LAMA5: variants seen among roughly 807,000 people sequenced by gnomAD.
LAMA5 encodes the protein laminin subunit alpha 5.
LAMA5 carries 260 observed loss-of-function variants against 433.4 expected under a neutral mutation model. The ratio of observed to expected loss-of-function variants is 0.60; its 90% confidence interval spans 0.54 to 0.66. The LOEUF (loss-of-function observed/expected upper bound fraction) is 0.66, where lower values mean the gene tolerates loss of function less well. Among genes scored for constraint, LAMA5 ranks in the 30% least tolerant of loss-of-function variants. LAMA5 has a pLI of 0.00. For synonymous variants in LAMA5, 2,620 were observed against 2,226.6 expected (o/e 1.18, Z -4.97); for missense variants, 5,378 against 5,258.5 (o/e 1.02, Z -0.70).
rs757099375 is a variant in LAMA5, at chr20:62,346,786, C to T, written c.1087G>A (p.Gly363Ser). The change falls in exon 8 of 80, where the codon GGC (glycine) becomes AGC (serine). Residue 363 changes from glycine to serine, a missense_variant. Physicochemically the swap from Gly to Ser is moderately conservative, Grantham distance 56 (BLOSUM62 0). Transcript: ENST00000252999. ...TCGTAGTAACAGTCGGTGGCATGGC[C>T]GTAGCAGTTACAGGCTAGAGAGAGG... The part of the protein sequence containing the change: ...ANECQSCNCY[G>S]HATDCYYDPE... 19 of 1,612,068 alleles carry T rather than the reference C, an allele frequency of 1.2e-5. No individual in the cohort carries two copies. The highest frequency in any genetic ancestry group is 2.7e-5 in the African/African-American group (2 of 74,910).
At chr20:62,323,172 G>C (rs1193886676) in intron 45 of LAMA5, among the ~76,000 whole-genome samples, 1 of 151,292 alleles carries the variant, frequency 6.6e-6, no homozygotes, top group African/African-American at 2.4e-5. Context: ...TCCTGGTATG[G>C]GGAGGGTCTG....
In LAMA5 at chr20:62,331,131, TGCAG is replaced by T. The variant is rs770875409; in HGVS notation, c.3553-6_3553-3del. The T allele has an allele frequency of 1.9e-6, 3 of 1,540,562 alleles. No individual in the cohort carries two copies. Among genetic ancestry groups the T allele is most frequent in the Non-Finnish European group, 2.6e-6 (3 of 1,139,700 alleles). On this transcript the variant is annotated splice_region_variant and splice_polypyrimidine_tract_variant and intron_variant, in intron 28 of 79. Transcript: ENST00000252999. ...AATGGGCACCAGAGTGACCCCGTGC[TGCAG>T]GCAGAGGGACGAGATGCTGCAACGC...
At chr20:62,336,471 A>G in intron 17 of LAMA5, 26 bp from the exon 18 acceptor site, 1 of 1,583,782 alleles carries the variant, frequency 6.3e-7, no homozygotes, top group East Asian at 2.2e-5. Context: ...ACTGCAGGTC[A>G]GAGCGGGCGC....
At position 62,315,226 on chromosome 20, in the gene LAMA5, A is replaced by C; in HGVS notation, c.7868-19T>G. 1 of 1,586,826 alleles carries C rather than the reference A, an allele frequency of 6.3e-7. No individual in the cohort carries two copies. Among genetic ancestry groups the C allele is most frequent in the Non-Finnish European group, 8.6e-7 (1 of 1,165,524 alleles). On this transcript the variant is annotated intron_variant, in intron 58 of 79. Transcript: ENST00000252999. Reference sequence around the variant, plus strand: ...GTCTCGTCTGTGGTGGGCAGAGGGCAGGCTCAGCAGGGGCCAGCGGGGACC... The same window carrying C: ...GTCTCGTCTGTGGTGGGCAGAGGGCCGGCTCAGCAGGGGCCAGCGGGGACC...
intron 20 of LAMA5, 111 bp from the exon 21 acceptor site, chr20:62,334,732 C>CAGGGCTT (rs1981216807): frequency 1.1e-5 from 7 of 622,520 alleles, no homozygotes; most frequent in Non-Finnish European, 1.8e-5. Flanking sequence ...GATGGAGAGT[C>CAGGGCTT]AGGGCTCAGG....
At chr20:62,315,384 C>T (rs546094156) in intron 58 of LAMA5, among the ~76,000 whole-genome samples, 177 bp from the exon 59 acceptor site, 3 of 152,242 alleles carry the variant, frequency 2.0e-5, no homozygotes, top group South Asian at 2.1e-4. Flanking sequence ...CTCCACCAGA[C>T]GCCCCCTCCA....
At position 62,327,850 on chromosome 20, in the gene LAMA5, C is replaced by T. The variant is rs1979589093; in HGVS notation, c.4797+16G>A. The T allele has an allele frequency of 3.8e-6, 6 of 1,597,854 alleles. No individual in the cohort carries two copies. In the South Asian group the frequency reaches 6.7e-5, roughly 18 times the overall value. On this transcript the variant is annotated intron_variant, in intron 36 of 79. Coordinates refer to ENST00000252999, the MANE Select transcript of LAMA5 (RefSeq NM_005560.6). The stretch of plus-strand genomic sequence containing the variant: ...GCCGGAGGGAGAGGCCAGATCTGGG[C>T]CCAGCCCTCACTCACCTTACAGTAG...
chr20:62,331,146 G>A lies in LAMA5; in HGVS notation c.3553-17C>T, dbSNP rs1454787449. Reference sequence around the variant, plus strand: ...GACCCCGTGCTGCAGGCAGAGGGACGAGATGCTGCAACGCCCGTGGTGCGG... The same window carrying A: ...GACCCCGTGCTGCAGGCAGAGGGACAAGATGCTGCAACGCCCGTGGTGCGG... On this transcript the variant is annotated splice_polypyrimidine_tract_variant and intron_variant, in intron 28 of 79. Coordinates refer to ENST00000252999, the MANE Select transcript of LAMA5 (RefSeq NM_005560.6). The A allele has an allele frequency of 3.3e-6, 5 of 1,510,832 alleles. No individual in the cohort carries two copies. The highest frequency in any genetic ancestry group is 4.5e-6 in the Non-Finnish European group (5 of 1,121,376). The allele number at this position is 1,510,832 out of a possible 1,614,324, so 93.6% of individuals were successfully genotyped here.
In LAMA5 at chr20:62,337,690, G is replaced by T. The variant is rs150861125; in HGVS notation, c.2064C>A (p.Ala688=). ...HCSAEGSLHA[A]CDPRSGQCSC... is the part of the protein sequence containing the mutation. ...TGCACTGCCCACTCCGGGGGTCACA[G>T]GCTGCGTGCAGGGAGCCTTCAGCAG... The change falls in exon 16 of 80, where the codon GCC becomes GCA. Residue 688 remains alanine (A), a synonymous_variant. Transcript: ENST00000252999. 125 of 1,611,828 alleles carry T rather than the reference G, an allele frequency of 7.8e-5. No individual in the cohort carries two copies. The African/African-American group carries it at 1.6e-3, about 21-fold the overall frequency.
chr20:62,327,946 G>A lies in LAMA5; in HGVS notation c.4717C>T (p.Arg1573Cys), dbSNP rs146565862. ...TCSPGFHGYP[R>C]CRPCDCHEAG... is the part of the protein sequence containing the mutation. ...TCGTGACAGTCACAGGGGCGGCAGCGGGGGTAGCCATGGAAGCCCGGAGAG... is the reference window on the plus strand; with the variant it reads ...TCGTGACAGTCACAGGGGCGGCAGCAGGGGTAGCCATGGAAGCCCGGAGAG... Residue 1573 changes from arginine to cysteine, a missense_variant, in exon 36 of 80, where the codon CGC becomes TGC. Transcript: ENST00000252999. 5.5e-5 allele frequency: 88 copies of A among 1,612,414 alleles called. No individual in the cohort carries two copies. The highest frequency in any genetic ancestry group is 1.7e-4 in the Middle Eastern group (1 of 6,038).
intron 6 of LAMA5, chr20:62,351,402 T>G: frequency 1.9e-6 from 1 of 535,006 alleles, no homozygotes; most frequent in Non-Finnish European, 3.4e-6. Context: ...TCCACTATGG[T>G]GGGAAGGCCA....
chr20:62,314,398 C>T lies in LAMA5; in HGVS notation c.8410G>A (p.Val2804Met), dbSNP rs1487911177. 6.2e-7 allele frequency: 1 copy of T among 1,613,496 alleles called. No individual in the cohort carries two copies. Among genetic ancestry groups the T allele is most frequent in the Non-Finnish European group, 8.5e-7 (1 of 1,179,964 alleles). ...YMGVSLRDKK[V>M]HWVYQLGEAG... is the part of the protein sequence containing the mutation. ...TCACCCAGCTGATACACCCAGTGCA[C>T]CTTCTTGTCACGCAGAGACACACCC... is the stretch of plus-strand genomic sequence containing the variant. The change falls in exon 62 of 80, where the codon GTG (valine) becomes ATG (methionine). Residue 2804 changes from valine (V) to methionine (M), a missense_variant. Physicochemically the swap from Val to Met is conservative, Grantham distance 21. Transcript: ENST00000252999.
chr20:62,328,036 C>T (rs1294506531), intron 35 of LAMA5, 26 bp from the exon 36 acceptor site: 2 of 1,609,778 alleles, frequency 1.2e-6, no homozygotes, highest in Non-Finnish European at 1.7e-6. Flanking sequence ...GAGCTGAGCC[C>T]CCTCCACCCC....
intron 70 of LAMA5, 32 bp from the exon 71 acceptor site, chr20:62,311,816 T>TTGCGCC: frequency 1.3e-6 from 2 of 1,521,012 alleles, no homozygotes; most frequent in Non-Finnish European, 1.8e-6. Context: ...GCTCGGTTTT[T>TTGCGCC]CCCCACCCTG....
In LAMA5 at chr20:62,333,957, C is replaced by A. The variant is rs748742416; in HGVS notation, c.2822G>T (p.Ser941Ile). ...TCGCACAGAGACCCGCCCGCTCACA[C>A]TCATGGCCCCCCGGTTGACGTATCG... ...VFRYVNRGAM[S>I]VSGRVSVREE... The change falls in exon 23 of 80, where the codon AGT (serine) becomes ATT (isoleucine). Residue 941 changes from serine (S) to isoleucine (I), a missense_variant. Ser to Ile is a moderately radical substitution (Grantham distance 142). Coordinates refer to ENST00000252999, the MANE Select transcript of LAMA5 (RefSeq NM_005560.6). The A allele has an allele frequency of 1.2e-6, 2 of 1,612,792 alleles. No individual in the cohort carries two copies. Among genetic ancestry groups the A allele is most frequent in the East Asian group, 2.2e-5 (1 of 44,862 alleles).
In LAMA5 at chr20:62,329,847, G is replaced by A. The variant is rs1273025307; in HGVS notation, c.4049C>T (p.Ala1350Val). 2 of 1,612,514 alleles carry A rather than the reference G, an allele frequency of 1.2e-6. No homozygotes were observed. Among genetic ancestry groups the A allele is most frequent in the Non-Finnish European group, 8.5e-7 (1 of 1,179,844 alleles). ...CRTLVVCEGQ[A>V]LLDVTHSELT... is the part of the protein sequence containing the mutation. ...CTCGCTGTGGGTCACGTCCAGCAGGGCCTGGCCCTCACACACCACCAGGGT... is the reference window on the plus strand; with the variant it reads ...CTCGCTGTGGGTCACGTCCAGCAGGACCTGGCCCTCACACACCACCAGGGT... The change falls in exon 32 of 80, where the codon GCC (alanine) becomes GTC (valine). Residue 1350 changes from alanine to valine, a missense_variant. By Grantham distance (64) the Ala-to-Val change is moderately conservative. Coordinates refer to ENST00000252999, the MANE Select transcript of LAMA5 (RefSeq NM_005560.6).
Position 62,337,746 on chromosome 20 carries a change from G to A in LAMA5, c.2027-19C>T, listed in dbSNP as rs766241394. ...TGGCAGGCTGCAGACAAGGATAGCT[G>A]TGGGCACGCAGTGGAGACTGCACCT... On this transcript the variant is annotated intron_variant, in intron 15 of 79. Transcript: ENST00000252999. 2.5e-6 allele frequency: 4 copies of A among 1,607,800 alleles called. No homozygotes were observed. Among genetic ancestry groups the A allele is most frequent in the African/African-American group, 1.3e-5 (1 of 74,874 alleles).
chr20:62,357,178 G>A lies in LAMA5; in HGVS notation c.451-3927C>T, dbSNP rs552398881. On this transcript the variant is annotated intron_variant, in intron 2 of 79. Coordinates refer to ENST00000252999, the MANE Select transcript of LAMA5 (RefSeq NM_005560.6). ...CTGCCCTGACCCATCTTGGGTTGGG[G>A]AGACCAGGGCCAGGTCCAGGTGCCC... is the stretch of plus-strand genomic sequence containing the variant. 3.9e-5 allele frequency among the ~76,000 whole-genome samples: 6 copies of A among 152,298 alleles called. 1 individual carries two copies. Among genetic ancestry groups the A allele is most frequent in the African/African-American group, 1.4e-4 (6 of 41,564 alleles).
chr20:62,329,816 A>C lies in LAMA5; in HGVS notation c.4080T>G (p.Thr1360=). ...ALLDVTHSEL[T]VTVRVPKGRW... ...GGCCCTTGGGCACACGCACGGTCACAGTGAGCTCGCTGTGGGTCACGTCCA... is the reference window on the plus strand; with the variant it reads ...GGCCCTTGGGCACACGCACGGTCACCGTGAGCTCGCTGTGGGTCACGTCCA... Residue 1360 remains threonine (T), a synonymous_variant, in exon 32 of 80, where the codon ACT becomes ACG. Transcript: ENST00000252999. 6.2e-7 allele frequency: 1 copy of C among 1,612,526 alleles called. No individual in the cohort carries two copies. Among genetic ancestry groups the C allele is most frequent in the Non-Finnish European group, 8.5e-7 (1 of 1,179,812 alleles).
Sources: gnomAD v4.1 joint callset for allele counts (sites outside exome capture counted in the v4.1 genomes callset) on GRCh38, gnomAD v4.1.1 for gene constraint, MANE v1.5 for transcripts, NCBI Gene and HGNC (gene_info 2026-07-23, HGNC 2026-07-21) for gene names.